Variants in BET1 observed in about 807,000 individuals in gnomAD.
BET1 encodes BET1 homolog.
A neutral mutation model predicts 13.9 loss-of-function variants in BET1; 9 were observed. That is an observed-to-expected ratio of 0.65 (90% CI 0.39 to 1.13). The LOEUF (loss-of-function observed/expected upper bound fraction) is 1.13. Ranked by LOEUF, BET1 falls within the 50% of genes most tolerant of loss-of-function variation. The probability of loss-of-function intolerance (pLI) is 0.01; values close to 1 mark genes in which losing one functional copy is unlikely to be tolerated. For missense variants in BET1, 127 were observed against 133.6 expected, an observed-to-expected ratio of 0.95 and a Z score of 0.24; for synonymous variants, 39 against 47.3, an observed-to-expected ratio of 0.82 and a Z score of 0.72.
intron 6 of BET1, chr7:93,969,380 G>C (rs1276738590): frequency 6.6e-6 from 1 of 151,772 alleles, no homozygotes; most frequent in Non-Finnish European, 1.5e-5. Context: ...GGCTTCCCTG[G>C]GGAAAGTGTT....
chr7:93,988,177 A>G (rs1795562692), intron 4 of BET1, among the ~76,000 whole-genome samples: 2 of 152,200 alleles, frequency 1.3e-5, no homozygotes, highest in Non-Finnish European at 2.9e-5. Context: ...GGGATCTACT[A>G]CTGTGCCAAG....
chr7:93,975,588 T>C (rs925040888), intron 5 of BET1, among the ~76,000 whole-genome samples: 1 of 152,146 alleles, frequency 6.6e-6, no homozygotes, highest in African/African-American at 2.4e-5. Context: ...AATGTTTATA[T>C]GACGTATTAG....
chr7:93,978,983 A>G (rs1795383599), intron 4 of BET1, among the ~76,000 whole-genome samples: 1 of 152,224 alleles, frequency 6.6e-6, no homozygotes, highest in Non-Finnish European at 1.5e-5. Context: ...ACTGTTCAGC[A>G]CTAAATGCTC....
chr7:94,000,987 A>C (rs1273569289), intron 1 of BET1, among the ~76,000 whole-genome samples: 1 of 152,112 alleles, frequency 6.6e-6, no homozygotes, highest in Non-Finnish European at 1.5e-5. Context: ...AACAAACAAA[A>C]CTAGAAGTCT....
chr7:93,980,612 G>T (rs1795409949), intron 4 of BET1, among the ~76,000 whole-genome samples: 1 of 152,034 alleles, frequency 6.6e-6, no homozygotes, highest in Non-Finnish European at 1.5e-5. Flanking sequence ...GAAATAAATT[G>T]CTTCAACATA....
At chr7:93,969,700 A>C (rs1301851449) in intron 6 of BET1, 1 of 151,788 alleles carries the variant, frequency 6.6e-6, no homozygotes. Context: ...AGTTTACAAC[A>C]GTCAGTGCAA....
At chr7:93,976,140 G>GA (rs915652427) in intron 4 of BET1, 3 of 1,132,078 alleles carry the variant, frequency 2.6e-6, no homozygotes, top group African/African-American at 3.2e-5. Context: ...TAAATAATTT[G>GA]AAAAAACAAA....
intron 6 of BET1, among the ~76,000 whole-genome samples, chr7:93,966,544 A>T (rs952839998): frequency 6.6e-6 from 1 of 151,790 alleles, no homozygotes; most frequent in Non-Finnish European, 1.5e-5. Flanking sequence ...AAATAAGCAC[A>T]TAATGCAATT....
At chr7:93,976,998 G>T (rs895958408) in intron 4 of BET1, among the ~76,000 whole-genome samples, 1 of 152,110 alleles carries the variant, frequency 6.6e-6, no homozygotes, top group African/African-American at 2.4e-5. Flanking sequence ...TCCTGCGAAT[G>T]CCCTTATTTT....
At chr7:93,973,632 G>A (rs1270502597) in intron 5 of BET1, among the ~76,000 whole-genome samples, 1 of 151,956 alleles carries the variant, frequency 6.6e-6, no homozygotes, top group African/African-American at 2.4e-5. Context: ...ATCATGGGGC[G>A]AGAACACAGA....
At chr7:93,992,954 T>C (rs887509727), downstream of BET1, 9 of 985,282 alleles carry the variant, frequency 9.1e-6, no homozygotes, top group African/African-American at 1.2e-4. Flanking sequence ...ACCTGTCAGG[T>C]AGAGGCCCAA....
intron 1 of BET1, 53 bp downstream of exon 1, chr7:94,004,145 C>T: frequency 6.2e-7 from 1 of 1,613,796 alleles, no homozygotes; most frequent in Non-Finnish European, 8.5e-7. Context: ...CTCCCGCGCC[C>T]CAGCGCTCCC....
intron 6 of BET1, among the ~76,000 whole-genome samples, chr7:93,969,155 G>T (rs546669208): frequency 2.0e-4 from 31 of 151,932 alleles, no homozygotes; most frequent in African/African-American, 7.2e-4. Flanking sequence ...GCCCTTCACT[G>T]GGTGAAAAGT....
At chr7:94,002,332 CT>C (rs1270636905) in intron 1 of BET1, among the ~76,000 whole-genome samples, 1 of 150,952 alleles carries the variant, frequency 6.6e-6, no homozygotes, top group South Asian at 2.1e-4. Flanking sequence ...TGCATTCATA[CT>C]TTAAAAAAAA....
At chr7:94,002,598 A>T (rs1795934829) in intron 1 of BET1, among the ~76,000 whole-genome samples, 1 of 152,138 alleles carries the variant, frequency 6.6e-6, no homozygotes, top group Admixed American at 6.5e-5. Flanking sequence ...ATTCTAATGT[A>T]CAGTCAGGGC....
At chr7:93,999,672 T>C in intron 1 of BET1, 1 of 456,964 alleles carries the variant, frequency 2.2e-6, no homozygotes. Flanking sequence ...TGAAAAAGCG[T>C]GGCTGTGAAG....
chr7:93,968,151 C>A (rs1347334821), intron 6 of BET1, among the ~76,000 whole-genome samples: 1 of 151,784 alleles, frequency 6.6e-6, no homozygotes, highest in East Asian at 1.9e-4. Context: ...TATGCAATTT[C>A]TAAACATTAG....
chr7:93,971,391 A>G (rs1268890123), intron 6 of BET1, among the ~76,000 whole-genome samples: 1 of 151,804 alleles, frequency 6.6e-6, no homozygotes. Context: ...CCATGCCATC[A>G]ATACAGGAAT....
At chr7:93,975,891 G>A in intron 5 of BET1, 2 of 1,108,408 alleles carry the variant, frequency 1.8e-6, no homozygotes, top group Non-Finnish European at 2.3e-6. Flanking sequence ...AAATGTACTT[G>A]TTAAAAACTT....
Sources: gnomAD v4.1 joint callset for allele counts (sites outside exome capture counted in the v4.1 genomes callset) on GRCh38, gnomAD v4.1.1 for gene constraint, MANE v1.5 for transcripts, NCBI Gene and HGNC (gene_info 2026-07-23, HGNC 2026-07-21) for gene names.